TLE6: variants seen among roughly 807,000 people sequenced by gnomAD.
TLE6 encodes the protein TLE family member 6, subcortical maternal complex member.
In TLE6, 72 loss-of-function variants were observed where a neutral mutation model predicts 77.1. The observed-to-expected ratio is 0.93, with a 90% CI of 0.77 to 1.14. The LOEUF (loss-of-function observed/expected upper bound fraction) is 1.14. Ranked by LOEUF, TLE6 falls within the 50% of genes most tolerant of loss-of-function variation. The probability of loss-of-function intolerance (pLI) is 0.00; values close to 1 mark genes in which losing one functional copy is unlikely to be tolerated. For missense variants in TLE6, 843 were observed against 747.6 expected, an observed-to-expected ratio of 1.13 and a Z score of -1.49; for synonymous variants, 366 against 287.3, an observed-to-expected ratio of 1.27 and a Z score of -2.77.
At chr19:2,990,210 G>A (rs1243121045) in intron 13 of TLE6, among the ~76,000 whole-genome samples, 1 of 151,890 alleles carries the variant, frequency 6.6e-6, no homozygotes, top group Non-Finnish European at 1.5e-5. Flanking sequence ...ATTAACCTGG[G>A]TAATGAATAA....
intron 5 of TLE6, among the ~76,000 whole-genome samples, chr19:2,982,848 T>C (rs1599153159): frequency 6.6e-6 from 1 of 152,204 alleles, no homozygotes; most frequent in East Asian, 1.9e-4. Context: ...GTCAGTTGCT[T>C]TGGACAGAGA....
At chr19:2,980,065 G>T (rs375439786) in intron 2 of TLE6, 35 bp from the exon 3 acceptor site, 8 of 1,528,328 alleles carry the variant, frequency 5.2e-6, no homozygotes, top group East Asian at 5.0e-5. Context: ...TTGGAGCATT[G>T]TAAGTTTTAT....
intron 13 of TLE6, among the ~76,000 whole-genome samples, chr19:2,990,563 C>T (rs1009858843): frequency 1.3e-5 from 2 of 149,768 alleles, no homozygotes; most frequent in African/African-American, 4.9e-5. Context: ...GAGATCTGTG[C>T]CACTGCGTTC....
In TLE6 at chr19:2,994,185, T is replaced by A. The variant is rs146340405; in HGVS notation, c.1614+90T>A. On this transcript the variant is annotated intron_variant, in intron 16 of 16. Transcript: ENST00000246112. ...GCAAGACCCTGTCTCCACAAAAAAC[T>A]TAAAAAGTAGCCAGGTGTGGTGGCT... The A allele has an allele frequency of 1.9e-4, 222 of 1,142,754 alleles. 1 individual carries two copies. In the African/African-American group the frequency reaches 3.3e-3, roughly 17 times the overall value. The allele number at this position is 1,142,754 out of a possible 1,614,324, so 70.8% of individuals were successfully genotyped here.
Position 2,987,257 on chromosome 19 carries a change from G to A in TLE6, c.541+19G>A. 2 of 1,614,164 alleles carry A rather than the reference G, an allele frequency of 1.2e-6. No individual in the cohort carries two copies. The highest frequency in any genetic ancestry group is 1.7e-6 in the Non-Finnish European group (2 of 1,180,002). ...GACAGACGTGAGTGTCCCTGAGGGT[G>A]AGGGGGAAGGGGCAGCCACAGGCTG... is the stretch of plus-strand genomic sequence containing the variant. On this transcript the variant is annotated intron_variant, in intron 7 of 16. Transcript: ENST00000246112.
chr19:2,982,015 AAG>A, intron 4 of TLE6, 131 bp from the exon 5 acceptor site: 1 of 847,264 alleles, frequency 1.2e-6, no homozygotes. Context: ...AAGAAAGTAA[AAG>A]AGAAAACAAG....
At chr19:2,994,211 C>A in intron 16 of TLE6, 116 bp downstream of exon 16, 2 of 820,240 alleles carry the variant, frequency 2.4e-6, no homozygotes, top group Non-Finnish European at 1.9e-6. Flanking sequence ...TGTGGTGGCT[C>A]ACGGCTTTAA....
chr19:2,982,499 C>T (rs2088818267), intron 5 of TLE6, among the ~76,000 whole-genome samples: 1 of 144,200 alleles, frequency 6.9e-6, no homozygotes, highest in East Asian at 2.0e-4. Context: ...GATCGTGGAA[C>T]TGCACTCCAG....
At position 2,989,164 on chromosome 19, in the gene TLE6, A is replaced by C. The variant is rs1467766997; in HGVS notation, c.844A>C (p.Ile282Leu). Residue 282 changes from isoleucine to leucine, a missense_variant, in exon 12 of 17, where the codon ATC (isoleucine) becomes CTC (leucine). Transcript: ENST00000246112. ...AVPCKLEKMR[I>L]LAHGELVLAT... Reference sequence around the variant, plus strand: ...CCCGTGCAAACTGGAAAAGATGCGGATCTTGGCACACGGGGAGCTCGTGCT... The same window carrying C: ...CCCGTGCAAACTGGAAAAGATGCGGCTCTTGGCACACGGGGAGCTCGTGCT... 1.2e-6 allele frequency: 2 copies of C among 1,614,020 alleles called. No individual in the cohort carries two copies. Among genetic ancestry groups the C allele is most frequent in the Non-Finnish European group, 1.7e-6 (2 of 1,180,054 alleles).
At chr19:2,989,967 G>T (rs1568216639) in intron 13 of TLE6, among the ~76,000 whole-genome samples, 182 bp downstream of exon 13, 1 of 152,220 alleles carries the variant, frequency 6.6e-6, no homozygotes, top group East Asian at 1.9e-4. Flanking sequence ...TAGAGGTGCG[G>T]ACTTGAATCT....
intron 13 of TLE6, among the ~76,000 whole-genome samples, chr19:2,990,891 C>T (rs1270572238): frequency 6.6e-6 from 1 of 151,040 alleles, no homozygotes; most frequent in African/African-American, 2.4e-5. Flanking sequence ...ATCCCAGCTA[C>T]CCCGGAGGCT....
At chr19:2,987,695 A>AGGCCT (rs2088946831) in intron 8 of TLE6, 29 bp from the exon 9 acceptor site, 1 of 1,613,410 alleles carries the variant, frequency 6.2e-7, no homozygotes, top group Admixed American at 1.7e-5. Context: ...GCAGGTCAGC[A>AGGCCT]GGCCTGATGA....
chr19:2,984,121 G>GC lies in TLE6; in HGVS notation c.222+1937dup, dbSNP rs1405927376. ...TGCTTTCAAAATCGCCATCAGCACA[G>GC]CCCCCTCCTCCGACAGCCCGCCTGC... On this transcript the variant is annotated intron_variant, in intron 5 of 16. Coordinates refer to ENST00000246112, the MANE Select transcript of TLE6 (RefSeq NM_001143986.2). 8 of 152,610 alleles carry GC rather than the reference G, an allele frequency of 5.2e-5. No homozygotes were observed. The East Asian group carries it at 1.5e-3, about 29-fold the overall frequency. The allele number at this position is 152,610 out of a possible 1,614,324, so 9.5% of individuals were successfully genotyped here.
rs745745557 is a variant in TLE6 at position 2,989,362 on chromosome 19, G to C, written c.993+49G>C. 3.1e-6 allele frequency: 5 copies of C among 1,602,520 alleles called. No homozygotes were observed. The East Asian group carries it at 6.7e-5, about 21-fold the overall frequency. On this transcript the variant is annotated intron_variant, in intron 12 of 16. Coordinates refer to ENST00000246112, the MANE Select transcript of TLE6 (RefSeq NM_001143986.2). ...GGATGCAGGGCTTCTGGGAACAGGG[G>C]GTTTGAGGTTTGAGTCTGGCAGAGC...
intron 16 of TLE6, among the ~76,000 whole-genome samples, chr19:2,994,667 G>A (rs2089168762): frequency 6.6e-6 from 1 of 152,136 alleles, no homozygotes; most frequent in African/African-American, 2.4e-5. Flanking sequence ...AGCTGAGTGT[G>A]GTGGTGCACA....
At chr19:2,993,725 A>G in intron 15 of TLE6, 143 bp downstream of exon 15, 1 of 1,101,482 alleles carries the variant, frequency 9.1e-7, no homozygotes, top group Non-Finnish European at 1.3e-6. Flanking sequence ...GGATGCTCTT[A>G]TAGTGGAATG....
rs760158074 is a variant in TLE6, at chr19:2,994,974, G to A, written c.1689G>A (p.Glu563=). 2 of 1,608,528 alleles carry A rather than the reference G, an allele frequency of 1.2e-6. No homozygotes were observed. The highest frequency in any genetic ancestry group is 1.7e-6 in the Non-Finnish European group (2 of 1,177,974). Residue 563 remains glutamate, a synonymous_variant, in exon 17 of 17, where the codon GAG becomes GAA. Coordinates refer to ENST00000246112, the MANE Select transcript of TLE6 (RefSeq NM_001143986.2). ...GCCTCGTTGTCACAGGCTCCGGGGA[G>A]CACGCCTCCGTGTACCAGATCACCT... ...NNRLVVTGSG[E]HASVYQITY
intron 13 of TLE6, among the ~76,000 whole-genome samples, chr19:2,991,353 C>T (rs1037358800): frequency 1.2e-4 from 13 of 106,978 alleles, no homozygotes; most frequent in African/African-American, 3.7e-4. Context: ...AACGAGACTC[C>T]ATTTCAAAAA....
At chr19:2,991,395 T>TACACACACACACACACACAC (rs373594184) in intron 13 of TLE6, among the ~76,000 whole-genome samples, 3 of 114,146 alleles carry the variant, frequency 2.6e-5, no homozygotes, top group African/African-American at 1.1e-4. Flanking sequence ...TATATATATA[T>TACACACACACACACACACAC]ACACACACAC....
Sources: gnomAD v4.1 joint callset for allele counts (sites outside exome capture counted in the v4.1 genomes callset) on GRCh38, gnomAD v4.1.1 for gene constraint, MANE v1.5 for transcripts, NCBI Gene and HGNC (gene_info 2026-07-23, HGNC 2026-07-21) for gene names.